The following CTDP1 variants were observed in gnomAD, a reference collection of about 807,000 sequenced individuals.
CTDP1 encodes the protein RNA polymerase II subunit A C-terminal domain phosphatase.
CTDP1 carries 47 observed loss-of-function variants against 91.8 expected under a neutral mutation model. The observed-to-expected ratio is 0.51, with a 90% CI of 0.41 to 0.65. The LOEUF (loss-of-function observed/expected upper bound fraction) is 0.65, where lower values mean the gene tolerates loss of function less well. CTDP1 is among the 30% of genes least tolerant of loss of function. The pLI, the probability that CTDP1 is intolerant of heterozygous loss-of-function variation, is 0.00. For synonymous variants in CTDP1, 656 were observed against 598.5 expected (o/e 1.10, Z -1.40); for missense variants, 1,272 against 1,373.7 (o/e 0.93, Z 1.17).
intron 10 of CTDP1, among the ~76,000 whole-genome samples, chr18:79,727,906 T>G (rs1286899166): frequency 1.3e-5 from 2 of 152,108 alleles, no homozygotes; most frequent in Middle Eastern, 3.2e-3. Context: ...GTCAGAGGCA[T>G]GCATCAGAAT....
At chr18:79,738,744 A>T (rs1185835308) in intron 12 of CTDP1, among the ~76,000 whole-genome samples, 1 of 152,244 alleles carries the variant, frequency 6.6e-6, no homozygotes, top group African/African-American at 2.4e-5. Flanking sequence ...TACTTACAGA[A>T]AATCACTTGA....
chr18:79,749,995 T>C (rs2122893670), intron 12 of CTDP1: 1 of 152,290 alleles, frequency 6.6e-6, no homozygotes, highest in East Asian at 1.9e-4. Flanking sequence ...AGGAAACTCG[T>C]GTATGATACG....
At chr18:79,737,543 G>C (rs527853159) in intron 12 of CTDP1, among the ~76,000 whole-genome samples, 1 of 152,200 alleles carries the variant, frequency 6.6e-6, no homozygotes, top group African/African-American at 2.4e-5. Context: ...TCGAATGGTG[G>C]GGAGGAGCCG....
intron 4 of CTDP1, among the ~76,000 whole-genome samples, chr18:79,701,115 C>G (rs200426198): frequency 6.6e-6 from 1 of 152,186 alleles, no homozygotes; most frequent in Non-Finnish European, 1.5e-5. Context: ...CTGATGGAGA[C>G]GTACAGGAGA....
intron 2 of CTDP1, among the ~76,000 whole-genome samples, chr18:79,695,604 C>CCCT (rs1472903934): frequency 6.6e-6 from 1 of 152,210 alleles, no homozygotes; most frequent in East Asian, 1.9e-4. Flanking sequence ...CTGGAGCAGC[C>CCCT]CCTCCCTCTG....
chr18:79,753,585 G>T, intron 12 of CTDP1, 67 bp from the exon 13 acceptor site: 1 of 1,612,900 alleles, frequency 6.2e-7, no homozygotes, highest in South Asian at 1.1e-5. Flanking sequence ...CCCAAATGCA[G>T]ACCAGGCGGT....
At chr18:79,696,711 C>T (rs1355872858) in intron 3 of CTDP1, among the ~76,000 whole-genome samples, 1 of 152,136 alleles carries the variant, frequency 6.6e-6, no homozygotes, top group African/African-American at 2.4e-5. Context: ...GGCAGGTGTT[C>T]ACGTGCCCAG....
Position 79,754,077 on chromosome 18 carries a change from G to A in CTDP1, c.*287G>A, listed in dbSNP as rs547957927. ...CCCAGGCTGGTGCGCCCGCTGTCTC[G>A]GTAAGGGGCGGGTTGGTGTGTTTTC... On this transcript the variant is annotated 3_prime_UTR_variant, in exon 13 of 13. Transcript: ENST00000613122. 2.8e-4 allele frequency: 130 copies of A among 464,272 alleles called. No homozygotes were observed. The highest frequency in any genetic ancestry group is 4.5e-4 in the Non-Finnish European group (113 of 251,560). 28.8% of individuals were successfully genotyped at this position (464,272 alleles called of 1,614,324 possible). A position where few individuals can be genotyped will look rare whatever the true frequency, so the allele number is the denominator to read the frequency against.
intron 12 of CTDP1, among the ~76,000 whole-genome samples, chr18:79,747,049 C>G (rs1313766130): frequency 6.6e-6 from 1 of 152,204 alleles, no homozygotes; most frequent in Admixed American, 6.5e-5. Flanking sequence ...AATTTGGGTA[C>G]AAAGCTGCTG....
intron 12 of CTDP1, among the ~76,000 whole-genome samples, chr18:79,738,968 C>A (rs1046848237): frequency 2.0e-5 from 3 of 152,232 alleles, no homozygotes; most frequent in Non-Finnish European, 2.9e-5. Context: ...TACCTTCCTT[C>A]ACTTTTCGGT....
chr18:79,714,897 G>A lies in CTDP1; in HGVS notation c.1437G>A (p.Glu479=). ...CCTCCGCCTCTGATGGCGAAAGCGA[G>A]GGGAAAAGAGGCCGGCAGAAGCCGA... is the stretch of plus-strand genomic sequence containing the variant. ...SSSSASDGES[E]GKRGRQKPKA... Residue 479 remains glutamate (E), a synonymous_variant, in exon 8 of 13, where the codon GAG becomes GAA. Coordinates refer to ENST00000613122, the MANE Select transcript of CTDP1 (RefSeq NM_004715.5). 1 of 1,572,350 alleles carries A rather than the reference G, an allele frequency of 6.4e-7. No individual in the cohort carries two copies.
intron 11 of CTDP1, among the ~76,000 whole-genome samples, chr18:79,733,511 C>T (rs2086606887): frequency 6.6e-6 from 1 of 152,202 alleles, no homozygotes; most frequent in Admixed American, 6.5e-5. Flanking sequence ...GCGTCCGCTG[C>T]CTCTGCAGCT....
At chr18:79,743,633 C>T (rs1489323600) in intron 12 of CTDP1, among the ~76,000 whole-genome samples, 2 of 151,498 alleles carry the variant, frequency 1.3e-5, no homozygotes, top group Non-Finnish European at 2.9e-5. Context: ...GGGTTCATGG[C>T]GTGCATGGAT....
At chr18:79,684,536 C>A (rs1280220919) in intron 1 of CTDP1, among the ~76,000 whole-genome samples, 1 of 152,086 alleles carries the variant, frequency 6.6e-6, no homozygotes, top group Non-Finnish European at 1.5e-5. Context: ...TTGTTGTCAC[C>A]AGGCAAGGTG....
chr18:79,736,591 C>T (rs997175234), intron 12 of CTDP1, 70 bp downstream of exon 12: 31 of 1,394,048 alleles, frequency 2.2e-5, no homozygotes, highest in South Asian at 2.0e-4. Flanking sequence ...GTTGGTGGGC[C>T]GCCTACCTGC....
At chr18:79,744,857 C>T (rs2086848391) in intron 12 of CTDP1, among the ~76,000 whole-genome samples, 1 of 152,172 alleles carries the variant, frequency 6.6e-6, no homozygotes, top group South Asian at 2.1e-4. Flanking sequence ...TCCTGAAGCT[C>T]TTACAGGAAC....
chr18:79,741,773 C>T lies in CTDP1; in HGVS notation c.2747+5252C>T, dbSNP rs1242281082. 3.3e-5 allele frequency among the ~76,000 whole-genome samples: 5 copies of T among 152,320 alleles called. No individual in the cohort carries two copies. The East Asian group carries it at 9.6e-4, about 29-fold the overall frequency. ...TGTCCGTTTGGGAGGGTTGCGTGAG[C>T]TCCCACTCTTAGACAACAGGGAATA... On this transcript the variant is annotated intron_variant, in intron 12 of 12. Coordinates refer to ENST00000613122, the MANE Select transcript of CTDP1 (RefSeq NM_004715.5).
chr18:79,715,179 C>T lies in CTDP1; in HGVS notation c.1719C>T (p.Asp573=). ...GGGTCACTGCGGGTGAGTCCCTGGA[C>T]CAGAGCATGGAGGAGGAGGAGGAGG... ...LSGVTAGESL[D]QSMEEEEEED... The change falls in exon 8 of 13, where the codon GAC becomes GAT. Residue 573 remains aspartate (D), a synonymous_variant. Coordinates refer to ENST00000613122, the MANE Select transcript of CTDP1 (RefSeq NM_004715.5). 6.2e-7 allele frequency: 1 copy of T among 1,612,890 alleles called. No homozygotes were observed. Among genetic ancestry groups the T allele is most frequent in the South Asian group, 1.1e-5 (1 of 90,832 alleles).
chr18:79,719,077 T>C (rs1287133059), intron 10 of CTDP1, among the ~76,000 whole-genome samples: 1 of 152,136 alleles, frequency 6.6e-6, no homozygotes, highest in African/African-American at 2.4e-5. Context: ...CTCCCGAACC[T>C]GGGTGGACAG....
Sources: gnomAD v4.1 joint callset for allele counts (sites outside exome capture counted in the v4.1 genomes callset) on GRCh38, gnomAD v4.1.1 for gene constraint, MANE v1.5 for transcripts, NCBI Gene and HGNC (gene_info 2026-07-23, HGNC 2026-07-21) for gene names.